The following CNTNAP2 variants were observed in gnomAD, a reference collection of about 807,000 sequenced individuals.
CNTNAP2 encodes the protein contactin associated protein 2, also known as contactin-associated protein-like 2.
In CNTNAP2, 98 loss-of-function variants were observed where a neutral mutation model predicts 155.2. That is an observed-to-expected ratio of 0.63 (90% CI 0.54 to 0.75). The LOEUF is 0.75. Among genes scored for constraint, CNTNAP2 ranks in the 30% least tolerant of loss-of-function variants. CNTNAP2 has a pLI of 0.00. For synonymous variants in CNTNAP2, 651 were observed against 631.2 expected (o/e 1.03, Z -0.47); for missense variants, 1,727 against 1,688.1 (o/e 1.02, Z -0.40).
chr7:148,097,472 AT>A (rs1323868654), intron 15 of CNTNAP2, among the ~76,000 whole-genome samples: 1 of 151,994 alleles, frequency 6.6e-6, no homozygotes, highest in Non-Finnish European at 1.5e-5. Context: ...ACATGATATC[AT>A]TTTTAAGCTA....
intron 9 of CNTNAP2, among the ~76,000 whole-genome samples, chr7:147,308,936 A>G (rs1795077519): frequency 6.6e-6 from 1 of 152,216 alleles, no homozygotes; most frequent in African/African-American, 2.4e-5. Context: ...GGACCTTGCC[A>G]TTTAGAAATA....
At chr7:147,395,913 A>T in intron 10 of CNTNAP2, 133 bp downstream of exon 10, 1 of 919,508 alleles carries the variant, frequency 1.1e-6, no homozygotes, top group South Asian at 1.5e-5. Context: ...CATTCAAAGT[A>T]CGTATTGTAG....
At chr7:146,469,876 G>A (rs1282064900) in intron 1 of CNTNAP2, among the ~76,000 whole-genome samples, 1 of 131,644 alleles carries the variant, frequency 7.6e-6, no homozygotes, top group Admixed American at 8.5e-5. Flanking sequence ...GTCTTACTCT[G>A]TCACCCAGGC....
chr7:146,351,696 T>C (rs183423344), intron 1 of CNTNAP2, among the ~76,000 whole-genome samples: 1 of 152,324 alleles, frequency 6.6e-6, no homozygotes, highest in Non-Finnish European at 1.5e-5. Flanking sequence ...TGTTTTAACT[T>C]TGTGCTTTTT....
At chr7:147,864,833 C>T (rs182859189) in intron 13 of CNTNAP2, among the ~76,000 whole-genome samples, 2,513 of 152,130 alleles carry the variant, frequency 0.017, 39 homozygotes, top group African/African-American at 0.032. Flanking sequence ...GGGGCTGAGA[C>T]GATAGGGTTT....
chr7:147,837,457 C>T (rs181536245), intron 13 of CNTNAP2, among the ~76,000 whole-genome samples: 1 of 152,202 alleles, frequency 6.6e-6, no homozygotes, highest in East Asian at 1.9e-4. Flanking sequence ...ACAGCCAAAC[C>T]ATATCATTCT....
intron 13 of CNTNAP2, chr7:147,704,550 GA>G (rs960995437): frequency 3.1e-5 from 5 of 163,926 alleles, no homozygotes; most frequent in African/African-American, 1.2e-4. Context: ...AGCATTTCCA[GA>G]TGTCACTGGT....
intron 20 of CNTNAP2, among the ~76,000 whole-genome samples, chr7:148,260,718 T>A (rs1796542790): frequency 6.6e-6 from 1 of 152,188 alleles, no homozygotes; most frequent in African/African-American, 2.4e-5. Context: ...ACAACCTCGG[T>A]GGGTGTCTGA....
rs116306901 is a variant in CNTNAP2, at chr7:146,239,892, A to G, written c.97+122919A>G. ...TATGTATTAATCTTTCTTGTAAGTT[A>G]TCTGAATTGGTTTAATGGAAATAAA... On this transcript the variant is annotated intron_variant, in intron 1 of 23. Coordinates refer to ENST00000361727, the MANE Select transcript of CNTNAP2 (RefSeq NM_014141.6). 2.2e-3 allele frequency among the ~76,000 whole-genome samples: 337 copies of G among 152,292 alleles called. 2 individuals are homozygous for G. Among genetic ancestry groups the G allele is most frequent in the African/African-American group, 7.8e-3 (325 of 41,566 alleles).
intron 4 of CNTNAP2, among the ~76,000 whole-genome samples, chr7:147,066,247 C>T (rs886504550): frequency 2.9e-4 from 44 of 152,008 alleles, no homozygotes; most frequent in Non-Finnish European, 1.5e-4. Flanking sequence ...TTCAGCAGAT[C>T]GTCGTCAGTT....
At chr7:147,824,227 G>A (rs1356284625) in intron 13 of CNTNAP2, among the ~76,000 whole-genome samples, 1 of 152,094 alleles carries the variant, frequency 6.6e-6, no homozygotes, top group Non-Finnish European at 1.5e-5. Flanking sequence ...GAATTCTTAA[G>A]CTTGCATTTC....
chr7:147,850,459 G>C (rs1798914500), intron 13 of CNTNAP2, among the ~76,000 whole-genome samples: 1 of 152,148 alleles, frequency 6.6e-6, no homozygotes, highest in Admixed American at 6.5e-5. Flanking sequence ...GCATTGCCAA[G>C]ACAATCCTAA....
intron 13 of CNTNAP2, among the ~76,000 whole-genome samples, chr7:147,847,436 T>G (rs2116660027): frequency 9.6e-6 from 1 of 104,368 alleles, no homozygotes; most frequent in African/African-American, 3.9e-5. Flanking sequence ...GAGCCTTGGT[T>G]TTCAGCTCCA....
intron 21 of CNTNAP2, among the ~76,000 whole-genome samples, chr7:148,357,162 A>C (rs2116609391): frequency 6.6e-6 from 1 of 152,212 alleles, no homozygotes; most frequent in South Asian, 2.1e-4. Flanking sequence ...TAATTGAATC[A>C]TGGGGGTGGG....
rs1295091924 is a variant in CNTNAP2 at position 148,331,722 on chromosome 7, G to GA, written c.3476-51926dup. Among the ~76,000 whole-genome samples, 596 of 150,146 alleles carry GA rather than the reference G, an allele frequency of 4.0e-3. 23 individuals are homozygous for GA. The highest frequency in any genetic ancestry group is 6.9e-3 in the Middle Eastern group (2 of 288). On this transcript the variant is annotated intron_variant, in intron 21 of 23. Coordinates refer to ENST00000361727, the MANE Select transcript of CNTNAP2 (RefSeq NM_014141.6). ...AGTGGATGGATGGAGTGGACGGATG[G>GA]ATTGGATGGATGGAGTGGATGGATG...
At chr7:146,523,041 T>G (rs946559330) in intron 1 of CNTNAP2, among the ~76,000 whole-genome samples, 1 of 152,038 alleles carries the variant, frequency 6.6e-6, no homozygotes, top group Non-Finnish European at 1.5e-5. Context: ...TAGTATTTGC[T>G]TACATGAGTA....
At chr7:147,253,926 C>T (rs1333218816) in intron 8 of CNTNAP2, among the ~76,000 whole-genome samples, 1 of 152,176 alleles carries the variant, frequency 6.6e-6, no homozygotes, top group African/African-American at 2.4e-5. Flanking sequence ...ATTTTAGTGA[C>T]AAGGGCCCTC....
chr7:146,825,127 C>G (rs1219753355), intron 2 of CNTNAP2, among the ~76,000 whole-genome samples: 2 of 151,898 alleles, frequency 1.3e-5, no homozygotes, highest in Non-Finnish European at 1.5e-5. Context: ...TCATTCAGAG[C>G]CTTGTGAAGT....
intron 1 of CNTNAP2, among the ~76,000 whole-genome samples, chr7:146,554,570 G>T (rs562240262): frequency 6.6e-6 from 1 of 152,182 alleles, no homozygotes; most frequent in East Asian, 1.9e-4. Flanking sequence ...TTAGTTTGTT[G>T]TGTTATATTG....
Sources: allele counts gnomAD v4.1 joint callset (sites outside exome capture counted in the v4.1 genomes callset), GRCh38; gene constraint gnomAD v4.1.1; transcripts MANE v1.5; gene names NCBI Gene and HGNC (gene_info 2026-07-23, HGNC 2026-07-21).